NR2C2: variants seen among roughly 807,000 people sequenced by gnomAD.
NR2C2 encodes nuclear receptor subfamily 2 group C member 2, also known as Nuclear hormone receptor TR4.
NR2C2 carries 6 observed loss-of-function variants against 62.9 expected under a neutral mutation model. That is an observed-to-expected ratio of 0.10 (90% CI 0.05 to 0.19). The LOEUF (loss-of-function observed/expected upper bound fraction) is 0.19, where lower values mean the gene tolerates loss of function less well. Among genes scored for constraint, NR2C2 ranks in the 10% least tolerant of loss-of-function variants. NR2C2 has a pLI of 1.00. For synonymous variants in NR2C2, 272 were observed against 273.8 expected, an observed-to-expected ratio of 0.99 and a Z score of 0.07; for missense variants, 479 against 762.7, an observed-to-expected ratio of 0.63 and a Z score of 4.38.
rs2042549416 is a variant in NR2C2, at chr3:15,048,868, T to TATCTA, written c.*5861_*5865dup. ...CATTACCAGCCCTTTTAAAGGCATCTATCTATCAAAGGAAAATTTGGGTGT... is the reference window on the plus strand; with the variant it reads ...CATTACCAGCCCTTTTAAAGGCATCTATCTAATCTATCAAAGGAAAATTTGGGTGT... On this transcript the variant is annotated 3_prime_UTR_variant, in exon 14 of 14. Transcript: ENST00000425241. 6.6e-6 allele frequency: 1 copy of TATCTA among 152,626 alleles called. No homozygotes were observed. Among genetic ancestry groups the TATCTA allele is most frequent in the Non-Finnish European group, 1.5e-5 (1 of 68,040 alleles). 9.5% of individuals were successfully genotyped at this position (152,626 alleles called of 1,614,324 possible).
At chr3:14,966,711 A>G (rs528798152) in intron 1 of NR2C2, among the ~76,000 whole-genome samples, 13 of 152,336 alleles carry the variant, frequency 8.5e-5, no homozygotes, top group African/African-American at 3.1e-4. Flanking sequence ...TTTTTTCTCC[A>G]TAGACCATCT....
intron 1 of NR2C2, among the ~76,000 whole-genome samples, chr3:14,982,205 C>T (rs1023737390): frequency 3.9e-5 from 6 of 152,142 alleles, no homozygotes; most frequent in Non-Finnish European, 7.4e-5. Context: ...GCTAGGACTA[C>T]AGGTGTGCGC....
chr3:14,953,291 A>G (rs1179124297), intron 1 of NR2C2, among the ~76,000 whole-genome samples: 10 of 152,204 alleles, frequency 6.6e-5, no homozygotes, highest in Admixed American at 6.5e-4. Context: ...TACCTCAAAG[A>G]TTCTAATCCC....
chr3:15,022,576 TTG>T (rs997419242), intron 5 of NR2C2, among the ~76,000 whole-genome samples: 9 of 152,054 alleles, frequency 5.9e-5, no homozygotes, highest in African/African-American at 2.2e-4. Flanking sequence ...TGGCTAATTT[TTG>T]TGTTTTTAAT....
At chr3:15,020,406 G>A (rs975809381) in intron 4 of NR2C2, among the ~76,000 whole-genome samples, 1 of 152,262 alleles carries the variant, frequency 6.6e-6, no homozygotes, top group Non-Finnish European at 1.5e-5. Context: ...ACCCAGGTGT[G>A]TTCAAGTGGA....
At chr3:15,009,218 G>A (rs147583452) in intron 2 of NR2C2, among the ~76,000 whole-genome samples, 1,676 of 152,264 alleles carry the variant, frequency 0.011, 33 homozygotes, top group African/African-American at 0.037. Context: ...GCGAAACTCC[G>A]TCTCAAAAAT....
intron 5 of NR2C2, among the ~76,000 whole-genome samples, chr3:15,021,407 C>T (rs1173890431): frequency 6.6e-6 from 1 of 152,158 alleles, no homozygotes; most frequent in African/African-American, 2.4e-5. Flanking sequence ...TTTGCCAAGC[C>T]TCTGTGTAGC....
At chr3:14,984,382 G>C (rs760539011) in intron 1 of NR2C2, among the ~76,000 whole-genome samples, 1 of 151,730 alleles carries the variant, frequency 6.6e-6, no homozygotes, top group Non-Finnish European at 1.5e-5. Context: ...AAATTTTTAG[G>C]ATAGATACTC....
At chr3:14,949,781 T>A (rs912585863) in intron 1 of NR2C2, among the ~76,000 whole-genome samples, 2 of 149,428 alleles carry the variant, frequency 1.3e-5, no homozygotes, top group African/African-American at 2.6e-5. Context: ...TTATTTATTT[T>A]TTGAGACCAA....
In NR2C2 at chr3:15,023,223, T is replaced by C; in HGVS notation, c.580T>C (p.Phe194Leu). 6.2e-7 allele frequency: 1 copy of C among 1,614,234 alleles called. No homozygotes were observed. The change falls in exon 6 of 14, where the codon TTC becomes CTC. Residue 194 changes from phenylalanine to leucine, a missense_variant. By Grantham distance (22) the Phe-to-Leu change is conservative. Transcript: ENST00000425241. Reference protein sequence around the residue: ...MESVQSERKPFDVQREKPSNC... With the variant: ...MESVQSERKPLDVQREKPSNC... ...AGCTGTGCAGAGTGAACGGAAGCCC[T>C]TCGATGTGCAACGGGAGAAACCAAG...
chr3:14,952,803 T>A (rs1207138845), intron 1 of NR2C2, among the ~76,000 whole-genome samples: 2 of 152,224 alleles, frequency 1.3e-5, no homozygotes, highest in African/African-American at 4.8e-5. Flanking sequence ...CCACTATTGC[T>A]ACCCGAGGTA....
intron 1 of NR2C2, among the ~76,000 whole-genome samples, chr3:14,994,598 A>G (rs2040768090): frequency 1.3e-5 from 2 of 150,934 alleles, no homozygotes; most frequent in Admixed American, 6.6e-5. Flanking sequence ...GCGCACCACC[A>G]CGCCCAGATA....
chr3:15,001,729 A>G (rs994491247), intron 1 of NR2C2, among the ~76,000 whole-genome samples: 2 of 151,746 alleles, frequency 1.3e-5, no homozygotes, highest in Non-Finnish European at 2.9e-5. Flanking sequence ...CAATCCTCCC[A>G]CCTTAACCTA....
chr3:14,969,853 A>G (rs775001798), intron 1 of NR2C2, among the ~76,000 whole-genome samples: 3 of 152,158 alleles, frequency 2.0e-5, no homozygotes, highest in Non-Finnish European at 4.4e-5. Context: ...TTACACTAAC[A>G]TTTCCATGTA....
intron 7 of NR2C2, among the ~76,000 whole-genome samples, chr3:15,024,776 G>C (rs555620901): frequency 1.1e-4 from 17 of 152,220 alleles, no homozygotes; most frequent in Middle Eastern, 3.2e-3. Flanking sequence ...TCTCATCCTG[G>C]TGCTCCTGAT....
chr3:14,998,406 C>G (rs1051552832), intron 1 of NR2C2, among the ~76,000 whole-genome samples: 1 of 152,230 alleles, frequency 6.6e-6, no homozygotes, highest in Admixed American at 6.5e-5. Context: ...AGGTTCCCAT[C>G]TCCACATTTT....
intron 11 of NR2C2, 90 bp from the exon 12 acceptor site, chr3:15,037,910 G>T: frequency 7.7e-7 from 1 of 1,292,976 alleles, no homozygotes; most frequent in African/African-American, 1.5e-5. Context: ...AAGTGAAATG[G>T]TCCCATTTCT....
intron 1 of NR2C2, among the ~76,000 whole-genome samples, chr3:14,955,167 G>T (rs932778423): frequency 6.6e-6 from 1 of 152,034 alleles, no homozygotes; most frequent in African/African-American, 2.4e-5. Context: ...TTGTAGTTAA[G>T]TAAAAAGTTT....
intron 5 of NR2C2, among the ~76,000 whole-genome samples, chr3:15,021,640 A>G (rs2041669762): frequency 6.6e-6 from 1 of 152,250 alleles, no homozygotes; most frequent in Admixed American, 6.5e-5. Context: ...AAGCCACAGT[A>G]GGAAAATGGA....
Sources: allele counts gnomAD v4.1 joint callset (sites outside exome capture counted in the v4.1 genomes callset), GRCh38; gene constraint gnomAD v4.1.1; transcripts MANE v1.5; gene names NCBI Gene and HGNC (gene_info 2026-07-23, HGNC 2026-07-21).